The following MGAT5B variants were observed in gnomAD, a reference collection of about 807,000 sequenced individuals.
MGAT5B encodes the protein alpha-1,6-mannosylglycoprotein 6-beta-N-acetylglucosaminyltransferase B, also known as N-acetylglucosaminyl-transferase Vb.
MGAT5B carries 54 observed loss-of-function variants against 95.1 expected under a neutral mutation model. That is an observed-to-expected ratio of 0.57 (90% confidence interval 0.46 to 0.71). The LOEUF is 0.71. Among genes scored for constraint, MGAT5B ranks in the 30% least tolerant of loss-of-function variants. The pLI, the probability that MGAT5B is intolerant of heterozygous loss-of-function variation, is 0.00. For synonymous variants in MGAT5B, 464 were observed against 451.0 expected, an observed-to-expected ratio of 1.03 and a Z score of -0.36; for missense variants, 935 against 1,088.6, an observed-to-expected ratio of 0.86 and a Z score of 1.99.
In MGAT5B at chr17:76,949,079, A is replaced by G. The variant is rs1265700329; in HGVS notation, c.*241A>G. On this transcript the variant is annotated 3_prime_UTR_variant, in exon 18 of 18. Transcript: ENST00000569840. ...TTCTCTCCTGGGGACTCACAGAAGC[A>G]TCGTGGCCAAGCAGGTGTCGGACTG... 1.7e-6 allele frequency: 1 copy of G among 574,518 alleles called. No homozygotes were observed. Among genetic ancestry groups the G allele is most frequent in the Non-Finnish European group, 3.1e-6 (1 of 322,854 alleles). 35.6% of individuals were successfully genotyped at this position (574,518 alleles called of 1,614,324 possible). A position where few individuals can be genotyped will look rare whatever the true frequency, so the allele number is the denominator to read the frequency against.
At chr17:76,944,161 A>G (rs1042457155) in intron 15 of MGAT5B, 38 of 152,264 alleles carry the variant, frequency 2.5e-4, no homozygotes, top group African/African-American at 9.2e-4. Context: ...ATTAGGGCGC[A>G]CACCTGTAAT....
In MGAT5B at chr17:76,889,577, A is replaced by G. The variant is rs2145153862; in HGVS notation, c.329+7279A>G. ...CACCCCAGGGCAGCCGTCGGCCCCC[A>G]GGGGCATGTTCTGGATTCCAACAGA... On this transcript the variant is annotated intron_variant, in intron 3 of 17. Coordinates refer to ENST00000569840, the MANE Select transcript of MGAT5B (RefSeq NM_001199172.2). The surrounding 1 kb of genome is among the most constrained non-coding windows in gnomAD (Gnocchi z 4.4). 6.6e-6 allele frequency among the ~76,000 whole-genome samples: 1 copy of G among 152,324 alleles called. No homozygotes were observed. Among genetic ancestry groups the G allele is most frequent in the South Asian group, 2.1e-4 (1 of 4,832 alleles).
At chr17:76,947,755 G>C in intron 16 of MGAT5B, 75 bp from the exon 17 acceptor site, 1 of 1,476,930 alleles carries the variant, frequency 6.8e-7, no homozygotes, top group Non-Finnish European at 9.0e-7. Context: ...GGCACGGCAG[G>C]GCCACACCTT....
At chr17:76,894,074 T>G (rs1421587521) in intron 3 of MGAT5B, among the ~76,000 whole-genome samples, 2 of 152,204 alleles carry the variant, frequency 1.3e-5, no homozygotes, top group Non-Finnish European at 2.9e-5. Flanking sequence ...CTGCTTCCTT[T>G]GCTGAGGACC....
At position 76,948,866 on chromosome 17, in the gene MGAT5B, C is replaced by T; in HGVS notation, c.*28C>T. 2 of 1,544,342 alleles carry T rather than the reference C, an allele frequency of 1.3e-6. No homozygotes were observed. ...CCGCCTCTGCCGCCCTGCCTGGCAC[C>T]CACGCTGGCTCTCTCCTGCCGCGGG... is the stretch of plus-strand genomic sequence containing the variant. On this transcript the variant is annotated 3_prime_UTR_variant, in exon 18 of 18. Transcript: ENST00000569840.
At chr17:76,928,744 G>C (rs535179727) in intron 10 of MGAT5B, among the ~76,000 whole-genome samples, 130 of 152,038 alleles carry the variant, frequency 8.6e-4, no homozygotes, top group African/African-American at 3.0e-3. Flanking sequence ...AAAAAGGAAG[G>C]GAAGCAGTCA....
chr17:76,878,796 C>T (rs960687829), intron 2 of MGAT5B, among the ~76,000 whole-genome samples: 9 of 152,154 alleles, frequency 5.9e-5, no homozygotes, highest in African/African-American at 9.7e-5. Flanking sequence ...TTTATAGGAG[C>T]GTTTCTTTCT....
At chr17:76,880,573 C>T (rs1382095461) in intron 2 of MGAT5B, among the ~76,000 whole-genome samples, 1 of 152,224 alleles carries the variant, frequency 6.6e-6, no homozygotes, top group Non-Finnish European at 1.5e-5. Context: ...TCTCAGTGGC[C>T]TCTCTCGTCA....
chr17:76,888,500 A>C (rs1271930745), intron 3 of MGAT5B, among the ~76,000 whole-genome samples: 1 of 152,218 alleles, frequency 6.6e-6, no homozygotes, highest in East Asian at 1.9e-4. Flanking sequence ...TCATAACAAA[A>C]TAACAGCCCC....
chr17:76,925,239 T>TCCCCTCCCCTCCCCCCTC, intron 9 of MGAT5B, 142 bp downstream of exon 9: 1 of 15,188 alleles, frequency 6.6e-5, no homozygotes, highest in Non-Finnish European at 1.1e-4. Flanking sequence ...CCCTCCGCCC[T>TCCCCTCCCCTCCCCCCTC]CCCCTCCCCT....
rs1968948311 is a variant in MGAT5B at position 76,916,642 on chromosome 17, C to CTACA, written c.1026-8324_1026-8323insTACA. Reference sequence around the variant, plus strand: ...AACCTCATCTCTACAAGAAAAAACTCAGAAAGAAATGAGGAGAAGGGCTGG... The same window carrying CTACA: ...AACCTCATCTCTACAAGAAAAAACTCTACAAGAAAGAAATGAGGAGAAGGGCTGG... On this transcript the variant is annotated intron_variant, in intron 8 of 17. Transcript: ENST00000569840. This position sits in a 1 kb window ranked among gnomAD's most constrained non-coding sequence, Gnocchi z 5.3. Among the ~76,000 whole-genome samples, 1 of 152,170 alleles carries CTACA rather than the reference C, an allele frequency of 6.6e-6. No individual in the cohort carries two copies. The highest frequency in any genetic ancestry group is 6.5e-5 in the Admixed American group (1 of 15,286).
rs535014158 is a variant in MGAT5B at position 76,918,688 on chromosome 17, A to G, written c.1026-6278A>G. Among the ~76,000 whole-genome samples, 22 of 152,174 alleles carry G rather than the reference A, an allele frequency of 1.4e-4. No individual in the cohort carries two copies. The highest frequency in any genetic ancestry group is 2.6e-4 in the Non-Finnish European group (18 of 68,014). On this transcript the variant is annotated intron_variant, in intron 8 of 17. Transcript: ENST00000569840. This position sits in a 1 kb window ranked among gnomAD's most constrained non-coding sequence, Gnocchi z 5.1. ...GCCATGGCAGGGTTGGGGGCTGCCCATGATACTTGGGAAACGGGCACTGGT... is the reference window on the plus strand; with the variant it reads ...GCCATGGCAGGGTTGGGGGCTGCCCGTGATACTTGGGAAACGGGCACTGGT...
intron 10 of MGAT5B, among the ~76,000 whole-genome samples, chr17:76,928,096 A>G (rs1486291997): frequency 6.6e-6 from 1 of 152,146 alleles, no homozygotes; most frequent in Non-Finnish European, 1.5e-5. Context: ...AAGGTTGGGA[A>G]AGTGGGAAGG....
At chr17:76,893,506 TAAAAG>T (rs1018097820) in intron 3 of MGAT5B, among the ~76,000 whole-genome samples, 3 of 151,948 alleles carry the variant, frequency 2.0e-5, no homozygotes, top group African/African-American at 7.3e-5. Context: ...AACAAAGACA[TAAAAG>T]AAAAGAAAGG....
intron 3 of MGAT5B, among the ~76,000 whole-genome samples, chr17:76,896,352 A>G (rs1968063608): frequency 6.6e-6 from 1 of 152,236 alleles, no homozygotes; most frequent in African/African-American, 2.4e-5. Context: ...GTTAAATCAG[A>G]CAGATGCCAT....
intron 3 of MGAT5B, among the ~76,000 whole-genome samples, chr17:76,899,251 C>T (rs1261246608): frequency 6.6e-6 from 1 of 152,128 alleles, no homozygotes; most frequent in Non-Finnish European, 1.5e-5. Context: ...CTCCATTTTG[C>T]GTGCCTCCTG....
rs1970147549 is a variant in MGAT5B at position 76,949,688 on chromosome 17, A to G, written c.*850A>G. 1 of 151,990 alleles carries G rather than the reference A, an allele frequency of 6.6e-6. No individual in the cohort carries two copies. Among genetic ancestry groups the G allele is most frequent in the Non-Finnish European group, 1.5e-5 (1 of 68,004 alleles). The allele number at this position is 151,990 out of a possible 1,614,324, so 9.4% of individuals were successfully genotyped here. On this transcript the variant is annotated 3_prime_UTR_variant, in exon 18 of 18. Coordinates refer to ENST00000569840, the MANE Select transcript of MGAT5B (RefSeq NM_001199172.2). ...CAAAGCCTCAATCCCTACCCCCTCC[A>G]AGGGGCAGGTTTCCAGTCCAGCCTC...
chr17:76,929,523 C>T (rs944950525), intron 10 of MGAT5B, among the ~76,000 whole-genome samples: 1 of 152,206 alleles, frequency 6.6e-6, no homozygotes, highest in African/African-American at 2.4e-5. Flanking sequence ...TTTGCTTATA[C>T]ATTTCTTTTC....
chr17:76,908,217 G>A (rs1033340696), intron 8 of MGAT5B, among the ~76,000 whole-genome samples: 5 of 148,062 alleles, frequency 3.4e-5, no homozygotes, highest in African/African-American at 1.2e-4. Flanking sequence ...TTTGTGTTTT[G>A]TGGAGTTCTC....
Sources: gnomAD v4.1 joint callset for allele counts (sites outside exome capture counted in the v4.1 genomes callset) on GRCh38, gnomAD v4.1.1 for gene constraint, Gnocchi (gnomAD v3.1) non-coding constraint, MANE v1.5 for transcripts, NCBI Gene and HGNC (gene_info 2026-07-23, HGNC 2026-07-21) for gene names.